LZTFL1: variants seen among roughly 807,000 people sequenced by gnomAD.
LZTFL1 encodes leucine zipper transcription factor-like protein 1.
A neutral mutation model predicts 45.9 loss-of-function variants in LZTFL1; 25 were observed. The observed-to-expected ratio is 0.54, with a 90% CI of 0.40 to 0.76. The LOEUF (loss-of-function observed/expected upper bound fraction) is 0.76, where lower values mean the gene tolerates loss of function less well. Among genes scored for constraint, LZTFL1 ranks in the 30% least tolerant of loss-of-function variants. LZTFL1 has a pLI of 0.00. For synonymous variants in LZTFL1, 93 were observed against 117.4 expected, an observed-to-expected ratio of 0.79 and a Z score of 1.35; for missense variants, 277 against 331.1, an observed-to-expected ratio of 0.84 and a Z score of 1.27.
intron 1 of LZTFL1, chr3:45,913,261 C>T: frequency 1.9e-6 from 2 of 1,045,378 alleles, no homozygotes; most frequent in Non-Finnish European, 2.8e-6. Context: ...GCTGATCTTT[C>T]TCTTGTTTTT....
intron 2 of LZTFL1, 64 bp downstream of exon 2, chr3:45,837,863 C>A: frequency 6.6e-7 from 1 of 1,513,304 alleles, no homozygotes; most frequent in Non-Finnish European, 8.8e-7. Context: ...TATGGCACCC[C>A]CATACTGGCT....
At chr3:45,862,165 TG>T (rs1300749481) in intron 2 of LZTFL1, among the ~76,000 whole-genome samples, 1 of 152,222 alleles carries the variant, frequency 6.6e-6, no homozygotes, top group Non-Finnish European at 1.5e-5. Flanking sequence ...TCTCTGTTCT[TG>T]GGAGGTAAAG....
rs768564487 is a variant in LZTFL1 at position 45,826,305 on chromosome 3, T to C, written c.*9A>G. ...TGCATGTGGTAGCTTCCAGAGGAAA[T>C]CTTCAGTTTTAATCTTCAGGTTCAT... On this transcript the variant is annotated 3_prime_UTR_variant, in exon 10 of 10. Transcript: ENST00000296135. 1.2e-6 allele frequency: 2 copies of C among 1,612,154 alleles called. No individual in the cohort carries two copies. Among genetic ancestry groups the C allele is most frequent in the South Asian group, 2.2e-5 (2 of 90,944 alleles).
chr3:45,855,628 A>G (rs1245259726), intron 3 of LZTFL1, among the ~76,000 whole-genome samples: 8 of 152,208 alleles, frequency 5.3e-5, no homozygotes, highest in South Asian at 2.1e-4. Flanking sequence ...CTGTTTGCAC[A>G]TGACATGATC....
Position 45,880,135 on chromosome 3 carries a change from G to A in LZTFL1, c.-214-21119C>T, listed in dbSNP as rs114742054. Reference sequence around the variant, plus strand: ...AGGCAAGGCTCTCATTTAGACGTTTGGTTCTGGTGCCTGCAGAACCAAAGG... The same window carrying A: ...AGGCAAGGCTCTCATTTAGACGTTTAGTTCTGGTGCCTGCAGAACCAAAGG... On this transcript the variant is annotated intron_variant, in intron 2 of 4. Coordinates refer to the LZTFL1 transcript ENST00000472635. 4.5e-3 allele frequency among the ~76,000 whole-genome samples: 681 copies of A among 152,310 alleles called. 8 individuals carry two copies. The highest frequency in any genetic ancestry group is 0.016 in the African/African-American group (646 of 41,570).
chr3:45,881,199 G>A lies in LZTFL1; in HGVS notation c.-214-22183C>T, dbSNP rs9842595. Among the ~76,000 whole-genome samples the A allele has an allele frequency of 7.4e-4, 113 of 152,232 alleles. 1 individual carries two copies. The East Asian group carries it at 0.021, about 29-fold the overall frequency. ...GCAGCAGCTTGGCAGCCACACCACT[G>A]AACTCTTGACCTCCCCTCTGAGCTG... On this transcript the variant is annotated intron_variant, in intron 2 of 4. Transcript: ENST00000472635.
intron 2 of LZTFL1, among the ~76,000 whole-genome samples, chr3:45,908,466 G>A (rs1032680827): frequency 6.6e-6 from 1 of 152,298 alleles, no homozygotes; most frequent in Non-Finnish European, 1.5e-5. Flanking sequence ...ACAGACCCAA[G>A]TCACACCATC....
intron 1 of LZTFL1, among the ~76,000 whole-genome samples, chr3:45,840,038 A>G (rs1408077908): frequency 3.9e-5 from 6 of 152,178 alleles, no homozygotes; most frequent in Non-Finnish European, 8.8e-5. Context: ...AGTAGATTGT[A>G]AACTCTATGA....
At chr3:45,880,176 G>A (rs1294577181) in intron 2 of LZTFL1, among the ~76,000 whole-genome samples, 1 of 152,112 alleles carries the variant, frequency 6.6e-6, no homozygotes, top group Non-Finnish European at 1.5e-5. Context: ...CTGTTTTTTT[G>A]TTGTTTCCCA....
At chr3:45,897,199 T>A (rs1191178981) in intron 2 of LZTFL1, among the ~76,000 whole-genome samples, 1 of 152,194 alleles carries the variant, frequency 6.6e-6, no homozygotes, top group African/African-American at 2.4e-5. Context: ...CTAAGATCCA[T>A]CAGGCATGTG....
intron 2 of LZTFL1, among the ~76,000 whole-genome samples, chr3:45,904,875 G>A (rs1559429267): frequency 6.6e-6 from 1 of 152,102 alleles, no homozygotes; most frequent in Admixed American, 6.5e-5. Flanking sequence ...GGAGCTTCTT[G>A]TGGGGTCCAG....
chr3:45,867,676 T>G (rs1350852907), intron 2 of LZTFL1, among the ~76,000 whole-genome samples: 2 of 152,122 alleles, frequency 1.3e-5, no homozygotes, highest in Non-Finnish European at 2.9e-5. Context: ...AGACCTCATC[T>G]CTACAAAATA....
At chr3:45,871,918 C>T (rs1190579476) in intron 2 of LZTFL1, among the ~76,000 whole-genome samples, 2 of 152,126 alleles carry the variant, frequency 1.3e-5, no homozygotes, top group Non-Finnish European at 2.9e-5. Context: ...ATAGTGGGAG[C>T]TTGGGATTTG....
intron 4 of LZTFL1, among the ~76,000 whole-genome samples, chr3:45,848,917 A>C (rs999359489): frequency 5.3e-5 from 8 of 152,200 alleles, no homozygotes; most frequent in Non-Finnish European, 1.0e-4. Context: ...ATCTCCAAAA[A>C]TTTTTCCAAT....
intron 2 of LZTFL1, among the ~76,000 whole-genome samples, chr3:45,884,514 C>T (rs1255193000): frequency 6.6e-6 from 1 of 152,166 alleles, no homozygotes; most frequent in African/African-American, 2.4e-5. Flanking sequence ...TCACCTGGAC[C>T]ACGGGGACCC....
chr3:45,827,511 G>GA (rs1338989815), intron 8 of LZTFL1, 52 bp from the exon 9 acceptor site: 1 of 1,055,232 alleles, frequency 9.5e-7, no homozygotes, highest in Non-Finnish European at 1.5e-6. Context: ...TAAGGAAAGA[G>GA]ATAACAAATG....
intron 3 of LZTFL1, among the ~76,000 whole-genome samples, chr3:45,857,449 T>C (rs1392454567): frequency 1.3e-5 from 2 of 152,004 alleles, no homozygotes; most frequent in African/African-American, 4.8e-5. Context: ...GGTTGATAAG[T>C]GCAGCAAACC....
chr3:45,871,146 A>G (rs942374815), intron 2 of LZTFL1, among the ~76,000 whole-genome samples: 3 of 152,256 alleles, frequency 2.0e-5, no homozygotes, highest in African/African-American at 7.2e-5. Context: ...CTTCACCCAC[A>G]TAAGCAAGGC....
At chr3:45,829,608 GAAAAAAAAA>G (rs1206418827) in intron 7 of LZTFL1, among the ~76,000 whole-genome samples, 2 of 58,930 alleles carry the variant, frequency 3.4e-5, no homozygotes, top group Non-Finnish European at 6.5e-5. Context: ...TGTCTCAAAA[GAAAAAAAAA>G]AAAAAAAAAA....
Sources: allele counts gnomAD v4.1 joint callset (sites outside exome capture counted in the v4.1 genomes callset), GRCh38; gene constraint gnomAD v4.1.1; transcripts MANE v1.5; gene names NCBI Gene and HGNC (gene_info 2026-07-23, HGNC 2026-07-21).